Variants in SPEN observed in about 807,000 individuals in gnomAD.
SPEN encodes the protein msx2-interacting protein.
In SPEN, 18 loss-of-function variants were observed where a neutral mutation model predicts 269.9. The ratio of observed to expected loss-of-function variants is 0.07; its 90% confidence interval spans 0.05 to 0.10. The LOEUF is 0.10. SPEN is among the 10% of genes least tolerant of loss of function. The probability of loss-of-function intolerance (pLI) is 1.00; values close to 1 mark genes in which losing one functional copy is unlikely to be tolerated. For missense variants in SPEN, 3,822 were observed against 4,631.2 expected (o/e 0.83, Z 5.07); for synonymous variants, 1,726 against 1,765.7 (o/e 0.98, Z 0.56).
chr1:15,900,378 G>A (rs12079958), intron 3 of SPEN, among the ~76,000 whole-genome samples: 16,126 of 152,090 alleles, frequency 0.11, 1,232 homozygotes, highest in Admixed American at 0.23. Flanking sequence ...TTTCATTGAT[G>A]TAAACCTTAC....
chr1:15,888,393 G>A (rs1325286190), intron 3 of SPEN, among the ~76,000 whole-genome samples: 1 of 151,480 alleles, frequency 6.6e-6, no homozygotes, highest in Non-Finnish European at 1.5e-5. Flanking sequence ...GCATGATCTC[G>A]GTTCACTGCA....
chr1:15,880,914 A>G (rs565029555), intron 3 of SPEN, among the ~76,000 whole-genome samples: 12 of 152,322 alleles, frequency 7.9e-5, no homozygotes, highest in Admixed American at 3.9e-4. Context: ...CACTGTGGGC[A>G]GAAGGAACAA....
At chr1:15,863,796 G>A (rs1452218247) in intron 1 of SPEN, among the ~76,000 whole-genome samples, 3 of 152,064 alleles carry the variant, frequency 2.0e-5, no homozygotes, top group Non-Finnish European at 1.5e-5. Context: ...AGCCATGATT[G>A]CACCACTGCA....
chr1:15,891,159 A>G (rs1422112584), intron 3 of SPEN, among the ~76,000 whole-genome samples: 1 of 152,128 alleles, frequency 6.6e-6, no homozygotes, highest in Non-Finnish European at 1.5e-5. Context: ...GCTAACACTT[A>G]GAGGTTTAGC....
chr1:15,937,112 C>A lies in SPEN; in HGVS notation c.10027-51C>A. The A allele has an allele frequency of 6.4e-7, 1 of 1,567,004 alleles. No homozygotes were observed. The highest frequency in any genetic ancestry group is 8.7e-7 in the Non-Finnish European group (1 of 1,153,464). On this transcript the variant is annotated intron_variant, in intron 11 of 14. Transcript: ENST00000375759. This position sits in a 1 kb window ranked among gnomAD's most constrained non-coding sequence, Gnocchi z 5.7. ...TTGGGTCATTTGTTGGTCTCAGGGGCTTGTGCACAACAGACTGACTCTGTC... is the reference window on the plus strand; with the variant it reads ...TTGGGTCATTTGTTGGTCTCAGGGGATTGTGCACAACAGACTGACTCTGTC...
chr1:15,925,176 T>A (rs1203864722), intron 10 of SPEN, among the ~76,000 whole-genome samples: 1 of 152,208 alleles, frequency 6.6e-6, no homozygotes, highest in African/African-American at 2.4e-5. Context: ...GCTAATAAGA[T>A]CACAGGCCAC....
intron 3 of SPEN, among the ~76,000 whole-genome samples, chr1:15,902,154 C>T (rs1280065296): frequency 3.9e-5 from 6 of 152,120 alleles, no homozygotes; most frequent in Admixed American, 1.3e-4. Flanking sequence ...ATCTCAAACT[C>T]CTGACCTCAA....
chr1:15,898,815 GGCTTCCCAAAGT>G (rs1276525102), intron 3 of SPEN, among the ~76,000 whole-genome samples: 7 of 152,066 alleles, frequency 4.6e-5, no homozygotes, highest in African/African-American at 1.7e-4. Context: ...CGTCCACCTT[GGCTTCCCAAAGT>G]GCTGGGGTTA....
In SPEN at chr1:15,935,920, A is replaced by T; in HGVS notation, c.9680A>T (p.Gln3227Leu). The T allele has an allele frequency of 6.2e-7, 1 of 1,612,398 alleles. No homozygotes were observed. Among genetic ancestry groups the T allele is most frequent in the Non-Finnish European group, 8.5e-7 (1 of 1,179,854 alleles). ...GTGCCACCAGCCAGCAAGGCCCCTC[A>T]GCAGCCAGGGAAGGAAGCTGCCAAG... The part of the protein sequence containing the change: ...VKVPPASKAP[Q>L]QPGKEAAKTP... The change falls in exon 11 of 15, where the codon CAG becomes CTG. Residue 3227 changes from glutamine to leucine, a missense_variant. Around this residue, in one of 16 missense-constraint regions of SPEN, gnomAD observed 359 missense variants for 377.3 expected, o/e 0.95. Transcript: ENST00000375759. The surrounding 1 kb of genome is among the most constrained non-coding windows in gnomAD (Gnocchi z 7.7).
intron 3 of SPEN, among the ~76,000 whole-genome samples, chr1:15,879,027 A>T (rs931646561): frequency 6.0e-5 from 9 of 150,746 alleles, no homozygotes; most frequent in Non-Finnish European, 1.2e-4. Flanking sequence ...AAAAAAAAGA[A>T]AAGAAAAGAA....
chr1:15,857,350 C>G (rs948993573), intron 1 of SPEN, among the ~76,000 whole-genome samples: 1 of 151,912 alleles, frequency 6.6e-6, no homozygotes, highest in Non-Finnish European at 1.5e-5. Flanking sequence ...CAGGTGTGAG[C>G]CACTGCACCC....
At chr1:15,914,186 G>A (rs1045734495) in intron 5 of SPEN, among the ~76,000 whole-genome samples, 2 of 152,148 alleles carry the variant, frequency 1.3e-5, no homozygotes, top group Non-Finnish European at 2.9e-5. Context: ...ATCGAAAGGG[G>A]TAACATTAGT....
chr1:15,905,344 C>T (rs2070945660), intron 3 of SPEN, among the ~76,000 whole-genome samples: 1 of 151,430 alleles, frequency 6.6e-6, no homozygotes, highest in African/African-American at 2.4e-5. Flanking sequence ...GCCTCAGCCT[C>T]CTGAGTAGCT....
intron 1 of SPEN, among the ~76,000 whole-genome samples, chr1:15,863,314 A>G (rs979389699): frequency 1.3e-5 from 2 of 152,150 alleles, no homozygotes; most frequent in Non-Finnish European, 2.9e-5. Flanking sequence ...TACTGGAGTA[A>G]TGAAGCCTGC....
rs758874546 is a variant in SPEN at position 15,932,161 on chromosome 1, C to T, written c.5921C>T (p.Thr1974Ile). The T allele has an allele frequency of 9.9e-6, 16 of 1,612,468 alleles. No homozygotes were observed. Among genetic ancestry groups the T allele is most frequent in the South Asian group, 3.3e-5 (3 of 90,984 alleles). ...EENEAKEPAE[T>I]LKPPEGWRSP... ...AACGAGGCCAAGGAACCTGCAGAAA[C>T]ACTCAAGCCACCTGAGGGATGGCGG... Residue 1974 changes from threonine to isoleucine, a missense_variant, in exon 11 of 15, where the codon ACA (threonine) becomes ATA (isoleucine). Physicochemically the swap from Thr to Ile is moderately conservative, Grantham distance 89 (BLOSUM62 -1). This residue lies in a region of SPEN where 533 missense variants were observed against 618.8 expected (regional missense o/e 0.86). Transcript: ENST00000375759. The surrounding 1 kb of genome is among the most constrained non-coding windows in gnomAD (Gnocchi z 4.2).
intron 1 of SPEN, among the ~76,000 whole-genome samples, chr1:15,861,005 A>G (rs983495645): frequency 1.3e-5 from 2 of 152,020 alleles, no homozygotes; most frequent in East Asian, 1.9e-4. Context: ...CCTGGGTTCA[A>G]TTGATTCTGC....
chr1:15,895,414 A>C (rs550712142), intron 3 of SPEN, among the ~76,000 whole-genome samples: 53 of 152,286 alleles, frequency 3.5e-4, no homozygotes, highest in African/African-American at 1.2e-3. Context: ...GTGGAACCAC[A>C]CAGCATTTGT....
At chr1:15,865,777 T>C (rs1250107483) in intron 1 of SPEN, among the ~76,000 whole-genome samples, 1 of 152,118 alleles carries the variant, frequency 6.6e-6, no homozygotes, top group African/African-American at 2.4e-5. Context: ...TTCTAATAAC[T>C]CTGTATAGTT....
chr1:15,934,571 G>C lies in SPEN; in HGVS notation c.8331G>C (p.Ala2777=). 1 of 1,614,100 alleles carries C rather than the reference G, an allele frequency of 6.2e-7. No homozygotes were observed. Among genetic ancestry groups the C allele is most frequent in the Non-Finnish European group, 8.5e-7 (1 of 1,180,030 alleles). Residue 2777 remains alanine (A), a synonymous_variant, in exon 11 of 15, where the codon GCG becomes GCC. Transcript: ENST00000375759. The surrounding 1 kb of genome is among the most constrained non-coding windows in gnomAD (Gnocchi z 9.2). ...CGTCAACAAAGTGCAAACAGAGAGC[G>C]AGTGCTAATGAAAACAGTCGGTTCC... The part of the protein sequence containing the change: ...IAPSTKCKQR[A]SANENSRFHP...
Sources: allele counts gnomAD v4.1 joint callset (sites outside exome capture counted in the v4.1 genomes callset), GRCh38; gene constraint gnomAD v4.1.1; regional missense constraint gnomAD v4.1.1; non-coding constraint Gnocchi (gnomAD v3.1); transcripts MANE v1.5; gene names NCBI Gene and HGNC (gene_info 2026-07-23, HGNC 2026-07-21).